ANKIB1: variants seen among roughly 807,000 people sequenced by gnomAD.
The protein encoded by ANKIB1 is ankyrin repeat and IBR domain containing 1.
Under a neutral mutation model 122.1 loss-of-function variants are expected in ANKIB1, and 43 were observed. The ratio of observed to expected loss-of-function variants is 0.35; its 90% CI spans 0.28 to 0.45. ANKIB1 has a LOEUF of 0.45. Among genes scored for constraint, ANKIB1 ranks in the 20% least tolerant of loss-of-function variants. The pLI is 1.00. For missense variants in ANKIB1, 992 were observed against 1,329.5 expected (o/e 0.75, Z 3.95); for synonymous variants, 390 against 442.0 (o/e 0.88, Z 1.48).
At chr7:92,274,802 T>G (rs906634687) in intron 1 of ANKIB1, among the ~76,000 whole-genome samples, 1 of 152,118 alleles carries the variant, frequency 6.6e-6, no homozygotes, top group Non-Finnish European at 1.5e-5. Flanking sequence ...AAAAAAAATT[T>G]TTTTTAATTA....
intron 17 of ANKIB1, among the ~76,000 whole-genome samples, chr7:92,394,354 A>G (rs372300677): frequency 2.0e-5 from 3 of 152,290 alleles, no homozygotes; most frequent in Non-Finnish European, 4.4e-5. Flanking sequence ...TTTCATATAC[A>G]TTCTTGAAGA....
Position 92,401,018 on chromosome 7 carries a change from A to G in ANKIB1, c.*2069A>G, listed in dbSNP as rs1585146009. ...GCTCTGTGTGAAGACAGTGTACACA[A>G]TGGGTTCCGGTTTCCTTGCACCTTG... On this transcript the variant is annotated 3_prime_UTR_variant, in exon 20 of 20. Coordinates refer to ENST00000265742, the MANE Select transcript of ANKIB1 (RefSeq NM_019004.2). 6.6e-6 allele frequency: 1 copy of G among 152,334 alleles called. No homozygotes were observed. The highest frequency in any genetic ancestry group is 1.9e-4 in the East Asian group (1 of 5,188). 9.4% of individuals were successfully genotyped at this position (152,334 alleles called of 1,614,324 possible).
intron 1 of ANKIB1, among the ~76,000 whole-genome samples, chr7:92,260,656 A>C (rs796274806): frequency 6.6e-6 from 1 of 151,830 alleles, no homozygotes; most frequent in African/African-American, 2.4e-5. Context: ...TTACTCCAGC[A>C]TGAGTCACAA....
At chr7:92,378,037 G>A (rs538848366) in intron 11 of ANKIB1, among the ~76,000 whole-genome samples, 9 of 152,148 alleles carry the variant, frequency 5.9e-5, no homozygotes, top group Non-Finnish European at 8.8e-5. Context: ...TTAAAAGTGT[G>A]GATTATTCTT....
At chr7:92,296,255 C>A (rs931792900) in intron 2 of ANKIB1, among the ~76,000 whole-genome samples, 3 of 151,776 alleles carry the variant, frequency 2.0e-5, no homozygotes, top group Admixed American at 1.3e-4. Flanking sequence ...CGGTGTCTTG[C>A]TCTGTCACTC....
chr7:92,267,460 A>G (rs879310816), intron 1 of ANKIB1, among the ~76,000 whole-genome samples: 1 of 152,200 alleles, frequency 6.6e-6, no homozygotes, highest in Non-Finnish European at 1.5e-5. Flanking sequence ...TTCTTCATAT[A>G]AGGTGAATCA....
At chr7:92,257,255 G>A (rs950014584) in intron 1 of ANKIB1, among the ~76,000 whole-genome samples, 3 of 151,944 alleles carry the variant, frequency 2.0e-5, no homozygotes, top group East Asian at 1.9e-4. Flanking sequence ...TGAAGAAGTC[G>A]TTATGAACAG....
At chr7:92,379,793 A>G (rs1185623709) in intron 11 of ANKIB1, among the ~76,000 whole-genome samples, 1 of 152,228 alleles carries the variant, frequency 6.6e-6, no homozygotes, top group South Asian at 2.1e-4. Flanking sequence ...AAGATGGCCA[A>G]ATAGGAACAG....
intron 11 of ANKIB1, among the ~76,000 whole-genome samples, chr7:92,383,002 A>T (rs1804554259): frequency 6.6e-6 from 1 of 152,194 alleles, no homozygotes; most frequent in Non-Finnish European, 1.5e-5. Context: ...AGCAAGACTA[A>T]TAAAGAAGAA....
intron 4 of ANKIB1, among the ~76,000 whole-genome samples, chr7:92,320,313 T>C (rs1257642877): frequency 1.3e-5 from 2 of 152,194 alleles, no homozygotes; most frequent in East Asian, 3.8e-4. Context: ...TATGACTTTC[T>C]TCCCTTCTAC....
intron 11 of ANKIB1, among the ~76,000 whole-genome samples, chr7:92,383,993 T>G (rs934754624): frequency 1.7e-4 from 26 of 152,144 alleles, no homozygotes; most frequent in Non-Finnish European, 2.2e-4. Context: ...GAAAACCCCA[T>G]CATCTCAGCC....
Position 92,319,413 on chromosome 7 carries a change from C to G in ANKIB1, c.570C>G (p.His190Gln). The change falls in exon 4 of 20, where the codon CAC becomes CAG. Residue 190 changes from histidine (H) to glutamine (Q), a missense_variant. Coordinates refer to ENST00000265742, the MANE Select transcript of ANKIB1 (RefSeq NM_019004.2). ...GTGATTGTGCTGAAAAGCAACACCA[C>G]AAAGATTTGGCCCTCAATCTGGAAT... ...TPCDCAEKQH[H>Q]KDLALNLESQ... The G allele has an allele frequency of 1.9e-6, 3 of 1,613,436 alleles. No individual in the cohort carries two copies. The highest frequency in any genetic ancestry group is 2.5e-6 in the Non-Finnish European group (3 of 1,179,660).
intron 7 of ANKIB1, among the ~76,000 whole-genome samples, chr7:92,350,156 A>G (rs1803628331): frequency 6.6e-6 from 1 of 152,102 alleles, no homozygotes; most frequent in South Asian, 2.1e-4. Flanking sequence ...TTTAATATTC[A>G]TCTAAGTGAA....
intron 11 of ANKIB1, among the ~76,000 whole-genome samples, chr7:92,383,953 C>G (rs1311760978): frequency 1.3e-5 from 2 of 152,156 alleles, no homozygotes; most frequent in East Asian, 3.8e-4. Flanking sequence ...CAGATTGTCC[C>G]TGTTTGCAGA....
intron 9 of ANKIB1, among the ~76,000 whole-genome samples, chr7:92,355,490 C>G (rs1803780620): frequency 1.3e-5 from 2 of 152,076 alleles, no homozygotes; most frequent in Non-Finnish European, 2.9e-5. Flanking sequence ...TGGAATTTCT[C>G]TTCTAAACAC....
At chr7:92,366,028 G>C (rs899495613) in intron 10 of ANKIB1, among the ~76,000 whole-genome samples, 3 of 151,492 alleles carry the variant, frequency 2.0e-5, no homozygotes, top group Non-Finnish European at 2.9e-5. Context: ...ATCTGACCTC[G>C]TGATCCGCCT....
intron 15 of ANKIB1, 77 bp downstream of exon 15, chr7:92,390,193 T>C: frequency 2.7e-6 from 3 of 1,108,524 alleles, no homozygotes; most frequent in Non-Finnish European, 2.5e-6. Flanking sequence ...AAACCACTTG[T>C]TTTATTTAAT....
chr7:92,391,265 C>T lies in ANKIB1; in HGVS notation c.2152C>T (p.Gln718Ter), dbSNP rs1199717983. 6.2e-7 allele frequency: 1 copy of T among 1,613,476 alleles called. No individual in the cohort carries two copies. Among genetic ancestry groups the T allele is most frequent in the Non-Finnish European group, 8.5e-7 (1 of 1,179,642 alleles). ...HKIIKAACLV[Q>*]QKRQEFLASV... Reference sequence around the variant, plus strand: ...GATCATCAAAGCAGCATGCCTTGTACAGCAGAAGAGGCAAGAATTCCTGGC... The same window carrying T: ...GATCATCAAAGCAGCATGCCTTGTATAGCAGAAGAGGCAAGAATTCCTGGC... The change falls in exon 16 of 20, where the codon CAG becomes TAG. Residue 718 changes from glutamine (Q) to a stop codon, truncating the protein, a stop_gained. Transcript: ENST00000265742. LOFTEE classifies it high-confidence loss of function.
intron 1 of ANKIB1, among the ~76,000 whole-genome samples, chr7:92,270,036 A>G (rs1044863475): frequency 2.1e-5 from 3 of 144,584 alleles, no homozygotes; most frequent in Non-Finnish European, 4.5e-5. Context: ...ATTCCCACCT[A>G]TGAGTGAGAA....
Sources: allele counts gnomAD v4.1 joint callset (sites outside exome capture counted in the v4.1 genomes callset), GRCh38; gene constraint gnomAD v4.1.1; transcripts MANE v1.5; gene names NCBI Gene and HGNC (gene_info 2026-07-23, HGNC 2026-07-21).